CDC42BPG: variants seen among roughly 807,000 people sequenced by gnomAD.
The protein encoded by CDC42BPG is serine/threonine-protein kinase MRCK gamma.
A neutral mutation model predicts 192.2 loss-of-function variants in CDC42BPG; 157 were observed. That is an observed-to-expected ratio of 0.82 (90% CI 0.72 to 0.93). The LOEUF is 0.93. CDC42BPG is among the 40% of genes least tolerant of loss of function. CDC42BPG has a pLI of 0.00. For missense variants in CDC42BPG, 1,992 were observed against 2,122.1 expected, an observed-to-expected ratio of 0.94 and a Z score of 1.20; for synonymous variants, 981 against 918.5, an observed-to-expected ratio of 1.07 and a Z score of -1.23.
intron 1 of CDC42BPG, 106 bp downstream of exon 1, chr11:64,844,304 G>A (rs1943408564): frequency 8.8e-7 from 1 of 1,135,428 alleles, no homozygotes; most frequent in East Asian, 3.3e-5. Flanking sequence ...GAGTCTGCGA[G>A]GGAAGCCCGT....
At position 64,827,712 on chromosome 11, in the gene CDC42BPG, A is replaced by G; in HGVS notation, c.4039T>C (p.Trp1347Arg). The stretch of plus-strand genomic sequence containing the variant: ...TTCTTGAGCGGCACGGTCTGCACCC[A>G]TTCTGCCCTCCTCACGTCAAACACA... ...IDVFDVRRAE[W>R]VQTVPLKKVR... The change falls in exon 31 of 37, where the codon TGG (tryptophan) becomes CGG (arginine). Residue 1347 changes from tryptophan to arginine, a missense_variant. Physicochemically the swap from Trp to Arg is moderately radical, Grantham distance 101. Transcript: ENST00000342711. 1.2e-6 allele frequency: 2 copies of G among 1,613,348 alleles called. No individual in the cohort carries two copies. The highest frequency in any genetic ancestry group is 1.7e-6 in the Non-Finnish European group (2 of 1,179,632).
chr11:64,833,667 A>C lies in CDC42BPG; in HGVS notation c.2566-8T>G. 6.2e-7 allele frequency: 1 copy of C among 1,612,450 alleles called. No individual in the cohort carries two copies. Among genetic ancestry groups the C allele is most frequent in the Non-Finnish European group, 8.5e-7 (1 of 1,179,514 alleles). On this transcript the variant is annotated splice_polypyrimidine_tract_variant and splice_region_variant and intron_variant, in intron 22 of 36. Transcript: ENST00000342711. Reference sequence around the variant, plus strand: ...TGCTCTGGGGAACACAGCCTGCAGGAGGGCGGGGGAGCAGGTGAGACGGGC... The same window carrying C: ...TGCTCTGGGGAACACAGCCTGCAGGCGGGCGGGGGAGCAGGTGAGACGGGC...
intron 9 of CDC42BPG, among the ~76,000 whole-genome samples, chr11:64,837,276 C>T (rs527392044): frequency 2.1e-4 from 32 of 152,330 alleles, no homozygotes; most frequent in African/African-American, 7.0e-4. Context: ...ATTTTACCCT[C>T]AGTTTCCCCA....
At chr11:64,839,662 G>A (rs1943191365) in intron 5 of CDC42BPG, 91 bp from the exon 6 acceptor site, 1 of 1,000,038 alleles carries the variant, frequency 1.0e-6, no homozygotes, top group Non-Finnish European at 1.5e-6. Flanking sequence ...CACGGTGTGT[G>A]CCAGCACCAG....
chr11:64,831,500 C>G lies in CDC42BPG; in HGVS notation c.3304+5G>C. On this transcript the variant is annotated splice_donor_5th_base_variant and intron_variant, in intron 28 of 36. Transcript: ENST00000342711. ...TGCTTCCTCCAGTCCCCTCCACCAG[C>G]TCACCGAGGATGGCAGCGCAGAGCG... The G allele has an allele frequency of 6.2e-7, 1 of 1,603,490 alleles. No individual in the cohort carries two copies. Among genetic ancestry groups the G allele is most frequent in the Non-Finnish European group, 8.5e-7 (1 of 1,173,070 alleles).
Position 64,833,356 on chromosome 11 carries a change from T to C in CDC42BPG, c.2626-20A>G. 7.6e-7 allele frequency: 1 copy of C among 1,313,192 alleles called. No individual in the cohort carries two copies. Among genetic ancestry groups the C allele is most frequent in the Non-Finnish European group, 1.0e-6 (1 of 953,752 alleles). The allele number at this position is 1,313,192 out of a possible 1,614,324, so 81.3% of individuals were successfully genotyped here. ...GCCGGGCTGGGGAGGGGGACAGCCA[T>C]TACCCAAGGCCTCCCAGGGCCCCAT... On this transcript the variant is annotated intron_variant, in intron 23 of 36. Transcript: ENST00000342711.
Position 64,827,296 on chromosome 11 carries a change from T to C in CDC42BPG, c.4253A>G (p.Gln1418Arg). The change falls in exon 33 of 37, where the codon CAG becomes CGG. Residue 1418 changes from glutamine (Q) to arginine (R), a missense_variant. Physicochemically the swap from Gln to Arg is conservative, Grantham distance 43. Transcript: ENST00000342711. Reference sequence around the variant, plus strand: ...CGCGCACCTGCGCTGCTGCTTCTGCTGCTCCTCCGACACGCGGAAAAAGAA... The same window carrying C: ...CGCGCACCTGCGCTGCTGCTTCTGCCGCTCCTCCGACACGCGGAAAAAGAA... ...RRFFFRVSEEQQKQQRREMLK... is the reference protein window; with the variant it reads ...RRFFFRVSEERQKQQRREMLK... The C allele has an allele frequency of 6.2e-7, 1 of 1,613,940 alleles. No individual in the cohort carries two copies.
rs1942686086 is a variant in CDC42BPG at position 64,831,499 on chromosome 11, G to A, written c.3304+6C>T. The A allele has an allele frequency of 6.2e-7, 1 of 1,603,212 alleles. No individual in the cohort carries two copies. Among genetic ancestry groups the A allele is most frequent in the African/African-American group, 1.3e-5 (1 of 74,876 alleles). On this transcript the variant is annotated splice_donor_region_variant and intron_variant, in intron 28 of 36. Coordinates refer to ENST00000342711, the MANE Select transcript of CDC42BPG (RefSeq NM_017525.3). ...CTGCTTCCTCCAGTCCCCTCCACCA[G>A]CTCACCGAGGATGGCAGCGCAGAGC...
At chr11:64,837,843 G>A (rs1164654709) in intron 9 of CDC42BPG, among the ~76,000 whole-genome samples, 1 of 152,226 alleles carries the variant, frequency 6.6e-6, no homozygotes, top group Non-Finnish European at 1.5e-5. Context: ...GGCTCTAGGT[G>A]CAGCGCACCC....
At chr11:64,834,107 G>A in intron 20 of CDC42BPG, 130 bp from the exon 21 acceptor site, 1 of 1,443,290 alleles carries the variant, frequency 6.9e-7, no homozygotes, top group Non-Finnish European at 9.7e-7. Context: ...GGCACAGCAG[G>A]CACTCCAGAA....
chr11:64,837,941 T>A lies in CDC42BPG; in HGVS notation c.1205+142A>T. The A allele has an allele frequency of 8.4e-6, 6 of 717,062 alleles. No individual in the cohort carries two copies. In the South Asian group the frequency reaches 9.7e-5, roughly 12 times the overall value. 44.4% of individuals were successfully genotyped at this position (717,062 alleles called of 1,614,324 possible). On this transcript the variant is annotated intron_variant, in intron 9 of 36. Coordinates refer to ENST00000342711, the MANE Select transcript of CDC42BPG (RefSeq NM_017525.3). ...TGTGGCTTCACCAGGACCCCGAGGA[T>A]GAGGGCTAGAGCACCTGCCACATGC...
intron 1 of CDC42BPG, 96 bp from the exon 2 acceptor site, chr11:64,842,000 C>A: frequency 9.8e-7 from 1 of 1,021,798 alleles, no homozygotes; most frequent in Non-Finnish European, 1.5e-6. Context: ...TCCTGTGAGC[C>A]CAGGCAGGGA....
At chr11:64,830,478 T>A in intron 28 of CDC42BPG, 1 of 600,286 alleles carries the variant, frequency 1.7e-6, no homozygotes, top group South Asian at 2.0e-5. Flanking sequence ...TTTGGGTAAG[T>A]CATGTCACCT....
chr11:64,831,704 C>T lies in CDC42BPG; in HGVS notation c.3105G>A (p.Leu1035=). Residue 1035 remains leucine (L), a synonymous_variant, in exon 28 of 37, where the codon CTG becomes CTA. Coordinates refer to ENST00000342711, the MANE Select transcript of CDC42BPG (RefSeq NM_017525.3). ...PRIFRVTTSQ[L]AVPPTTCTVL... ...CAGTGCACGTGGTGGGCGGCACTGC[C>T]AGCTGGGAGGTTGTCACCTGTGGGC... The T allele has an allele frequency of 6.2e-7, 1 of 1,600,286 alleles. No individual in the cohort carries two copies. Among genetic ancestry groups the T allele is most frequent in the East Asian group, 2.2e-5 (1 of 44,538 alleles).
In CDC42BPG at chr11:64,835,595, G is replaced by C; in HGVS notation, c.1785C>G (p.Asn595Lys). The C allele has an allele frequency of 1.9e-6, 3 of 1,575,294 alleles. No individual in the cohort carries two copies. Among genetic ancestry groups the C allele is most frequent in the Non-Finnish European group, 2.6e-6 (3 of 1,163,660 alleles). ...GCCCACCCTCAGGGGGTCCCATCCC[G>C]TTGGTCTCAGAGGCTGTGTGGATGG... ...AKTIHTASET[N>K]GMGPPEGGPQ... Residue 595 changes from asparagine (N) to lysine (K), a missense_variant, in exon 15 of 37, where the codon AAC (asparagine) becomes AAG (lysine). This residue lies in a region of CDC42BPG where 1,656 missense variants were observed against 1,844.3 expected (regional missense o/e 0.90). Transcript: ENST00000342711.
rs771349824 is a variant in CDC42BPG at position 64,840,176 on chromosome 11, G to C, written c.525C>G (p.Tyr175Ter). ...GGATGGCCAGCACCATCTCAGCCAG[G>C]TAGAACTGGGCCAGCTCGGGCGGGA... ...DRLPPELAQFYLAEMVLAIHS... is the reference protein window; with the variant it reads ...DRLPPELAQF Residue 175 changes from tyrosine (Y) to a stop codon, truncating the protein, a stop_gained, in exon 5 of 37, where the codon TAC becomes TAG. Transcript: ENST00000342711. LOFTEE classifies it high-confidence loss of function. 1.2e-6 allele frequency: 2 copies of C among 1,613,188 alleles called. No homozygotes were observed. The highest frequency in any genetic ancestry group is 2.2e-5 in the South Asian group (2 of 91,088).
rs569525623 is a variant in CDC42BPG at position 64,826,898 on chromosome 11, C to T, written c.4390-104G>A. 24 of 1,328,420 alleles carry T rather than the reference C, an allele frequency of 1.8e-5. No individual in the cohort carries two copies. The African/African-American group carries it at 2.1e-4, about 11-fold the overall frequency. The allele number at this position is 1,328,420 out of a possible 1,614,324, so 82.3% of individuals were successfully genotyped here. A position where few individuals can be genotyped will look rare whatever the true frequency, so the allele number is the denominator to read the frequency against. On this transcript the variant is annotated intron_variant, in intron 34 of 36. Coordinates refer to ENST00000342711, the MANE Select transcript of CDC42BPG (RefSeq NM_017525.3). ...CAAATGAACGCCACTGGGCCCCCAG[C>T]CTGGTTTTACTTAAGTCCCAGGTAG... is the stretch of plus-strand genomic sequence containing the variant.
chr11:64,841,999 C>T, intron 1 of CDC42BPG, 95 bp from the exon 2 acceptor site: 1 of 1,027,172 alleles, frequency 9.7e-7, no homozygotes, highest in Admixed American at 2.0e-5. Flanking sequence ...CTCCTGTGAG[C>T]CCAGGCAGGG....
intron 36 of CDC42BPG, 36 bp downstream of exon 36, chr11:64,826,434 G>A (rs1438528899): frequency 1.4e-6 from 2 of 1,470,772 alleles, no homozygotes; most frequent in South Asian, 2.4e-5. Context: ...CCTGACGTTT[G>A]AATAGGGGAC....
Sources: gnomAD v4.1 joint callset for allele counts (sites outside exome capture counted in the v4.1 genomes callset) on GRCh38, gnomAD v4.1.1 for gene constraint, gnomAD v4.1.1 regional missense constraint, MANE v1.5 for transcripts, NCBI Gene and HGNC (gene_info 2026-07-23, HGNC 2026-07-21) for gene names.